The following DENND2A variants were observed in gnomAD, a reference collection of about 807,000 sequenced individuals.
DENND2A encodes DENN domain containing 2A, also known as DENN domain-containing protein 2A.
DENND2A carries 53 observed loss-of-function variants against 105.3 expected under a neutral mutation model. The observed-to-expected ratio is 0.50, with a 90% CI of 0.40 to 0.63. DENND2A has a LOEUF of 0.63. Ranked by LOEUF, DENND2A falls within the 30% of genes least tolerant of loss-of-function variation. The probability of loss-of-function intolerance (pLI) is 0.00; values close to 1 mark genes in which losing one functional copy is unlikely to be tolerated. For synonymous variants in DENND2A, 522 were observed against 508.4 expected, an observed-to-expected ratio of 1.03 and a Z score of -0.36; for missense variants, 1,138 against 1,279.6, an observed-to-expected ratio of 0.89 and a Z score of 1.69.
chr7:140,520,307 A>C lies in DENND2A; in HGVS notation c.2912-589T>G, dbSNP rs568755938. ...GGCAACAAGAGTGAAACTCCGTCGC[A>C]AAAAAAAAAAAAAAAGTTGAACCGG... On this transcript the variant is annotated intron_variant, in intron 18 of 19. Coordinates refer to ENST00000496613, the MANE Select transcript of DENND2A (RefSeq NM_015689.5). Among the ~76,000 whole-genome samples the C allele has an allele frequency of 3.6e-3, 509 of 140,842 alleles. 5 individuals are homozygous for C. Among genetic ancestry groups the C allele is most frequent in the African/African-American group, 0.012 (483 of 38,890 alleles). 92.4% of individuals were successfully genotyped at this position (140,842 alleles called of 152,430 possible). A position where few individuals can be genotyped will look rare whatever the true frequency, so the allele number is the denominator to read the frequency against.
In DENND2A at chr7:140,523,118, G is replaced by T. The variant is rs892495575; in HGVS notation, c.2665+189C>A. Among the ~76,000 whole-genome samples the T allele has an allele frequency of 6.6e-6, 1 of 152,178 alleles. No individual in the cohort carries two copies. Reference sequence around the variant, plus strand: ...AAACAGGTACTTTAAGGCCAAAATGGGGGAGGTGGGAAAATCTTTCCCACA... The same window carrying T: ...AAACAGGTACTTTAAGGCCAAAATGTGGGAGGTGGGAAAATCTTTCCCACA... On this transcript the variant is annotated intron_variant, in intron 17 of 19. Transcript: ENST00000496613. This position sits in a 1 kb window ranked among gnomAD's most constrained non-coding sequence, Gnocchi z 4.5.
intron 3 of DENND2A, among the ~76,000 whole-genome samples, chr7:140,598,406 G>A (rs147697027): frequency 1.5e-3 from 234 of 152,308 alleles, no homozygotes; most frequent in African/African-American, 5.4e-3. Context: ...TAGGGGCGAA[G>A]TAAGACTGTA....
chr7:140,530,200 G>A (rs1443030642), intron 14 of DENND2A, among the ~76,000 whole-genome samples: 1 of 152,118 alleles, frequency 6.6e-6, no homozygotes, highest in African/African-American at 2.4e-5. Context: ...CTCCAGCATG[G>A]ATGACAGAGG....
chr7:140,550,538 C>T (rs1797089137), intron 12 of DENND2A, among the ~76,000 whole-genome samples: 1 of 152,190 alleles, frequency 6.6e-6, no homozygotes, highest in Admixed American at 6.5e-5. Context: ...CCAGGCTGGT[C>T]TTGAACTCCT....
At chr7:140,575,506 A>G (rs1798261709) in intron 5 of DENND2A, among the ~76,000 whole-genome samples, 2 of 151,802 alleles carry the variant, frequency 1.3e-5, no homozygotes, top group African/African-American at 4.9e-5. Context: ...TTATTTGTGC[A>G]ATGTTATTTT....
chr7:140,553,370 G>A (rs1159054951), intron 12 of DENND2A, among the ~76,000 whole-genome samples: 18 of 152,226 alleles, frequency 1.2e-4, no homozygotes, highest in Non-Finnish European at 1.5e-5. Flanking sequence ...CCCTAAGGCG[G>A]TTTTTCCCTA....
intron 12 of DENND2A, among the ~76,000 whole-genome samples, chr7:140,552,282 T>C (rs1367768851): frequency 2.6e-5 from 4 of 152,010 alleles, no homozygotes; most frequent in Non-Finnish European, 5.9e-5. Context: ...ATAGCATTCA[T>C]TTTCTTTCTT....
At chr7:140,590,420 G>A (rs1481856567) in intron 3 of DENND2A, among the ~76,000 whole-genome samples, 1 of 152,182 alleles carries the variant, frequency 6.6e-6, no homozygotes, top group Non-Finnish European at 1.5e-5. Flanking sequence ...TAGAGCACAT[G>A]TAATGCAAGC....
chr7:140,579,739 C>T (rs1363754088), intron 5 of DENND2A, among the ~76,000 whole-genome samples: 1 of 151,958 alleles, frequency 6.6e-6, no homozygotes, highest in South Asian at 2.1e-4. Context: ...TGAGAAAATC[C>T]GGGAGGAAAT....
intron 6 of DENND2A, 70 bp downstream of exon 6, chr7:140,573,738 C>A (rs1432128004): frequency 1.3e-6 from 2 of 1,526,062 alleles, no homozygotes; most frequent in Non-Finnish European, 1.8e-6. Flanking sequence ...CCACCCAGAC[C>A]CCTCTGCAGT....
intron 6 of DENND2A, among the ~76,000 whole-genome samples, chr7:140,570,144 C>A (rs1334977489): frequency 6.6e-6 from 1 of 152,218 alleles, no homozygotes; most frequent in Admixed American, 6.5e-5. Context: ...ATCCACCCAC[C>A]TTGGCCTCCC....
chr7:140,551,418 C>T (rs1481768757), intron 12 of DENND2A, among the ~76,000 whole-genome samples: 1 of 151,972 alleles, frequency 6.6e-6, no homozygotes. Context: ...CCTTAGGAGG[C>T]CTGCCTTCGT....
At chr7:140,585,076 T>C (rs1798722359) in intron 5 of DENND2A, among the ~76,000 whole-genome samples, 1 of 152,148 alleles carries the variant, frequency 6.6e-6, no homozygotes, top group South Asian at 2.1e-4. Flanking sequence ...CGTGTGCCTG[T>C]AATCCCAGGT....
At chr7:140,635,913 G>C (rs1800911728) in intron 1 of DENND2A, among the ~76,000 whole-genome samples, 1 of 152,230 alleles carries the variant, frequency 6.6e-6, no homozygotes, top group East Asian at 1.9e-4. Context: ...AGAAGAGTCT[G>C]ACTCTGGCTT....
At chr7:140,567,903 G>A (rs1393692238) in intron 8 of DENND2A, among the ~76,000 whole-genome samples, 1 of 152,160 alleles carries the variant, frequency 6.6e-6, no homozygotes, top group Non-Finnish European at 1.5e-5. Context: ...CAGGGTCACT[G>A]AGTGGACAGG....
rs1476144652 is a variant in DENND2A, at chr7:140,527,352, G to A, written c.2471C>T (p.Ser824Leu). 1.9e-6 allele frequency: 3 copies of A among 1,598,632 alleles called. No homozygotes were observed. The highest frequency in any genetic ancestry group is 2.6e-6 in the Non-Finnish European group (3 of 1,174,502). Reference protein sequence around the residue: ...TPFLIGLLSSSLPLLRELPLE... With the variant: ...TPFLIGLLSSLLPLLRELPLE... ...CGGCAGCTCCCTGAGCAGTGGCAGC[G>A]AGCTGGAGAGCAGCCCGATGAGGAA... is the stretch of plus-strand genomic sequence containing the variant. Residue 824 changes from serine to leucine, a missense_variant, in exon 15 of 20, where the codon TCG (serine) becomes TTG (leucine). Ser to Leu is a moderately radical substitution (Grantham distance 145). Coordinates refer to ENST00000496613, the MANE Select transcript of DENND2A (RefSeq NM_015689.5). This position sits in a 1 kb window ranked among gnomAD's most constrained non-coding sequence, Gnocchi z 4.9.
chr7:140,554,920 A>G (rs528808622), intron 12 of DENND2A, among the ~76,000 whole-genome samples: 25 of 152,350 alleles, frequency 1.6e-4, no homozygotes, highest in African/African-American at 6.0e-4. Flanking sequence ...TGTTATATAT[A>G]CATGACACAT....
chr7:140,569,704 C>T lies in DENND2A; in HGVS notation c.1481G>A (p.Arg494Gln), dbSNP rs778989980. 12 of 1,613,792 alleles carry T rather than the reference C, an allele frequency of 7.4e-6. No homozygotes were observed. The highest frequency in any genetic ancestry group is 2.2e-5 in the East Asian group (1 of 44,884). Residue 494 changes from arginine (R) to glutamine (Q), a missense_variant, in exon 7 of 20, where the codon CGG (arginine) becomes CAG (glutamine). Coordinates refer to ENST00000496613, the MANE Select transcript of DENND2A (RefSeq NM_015689.5). The part of the protein sequence containing the change: ...VLRINAIYEV[R>Q]RGKKRVKRLS... ...CCTCTTCACCCGTTTCTTTCCTCTC[C>T]GGACCTCATAAATGGCGTTGATTCG...
At chr7:140,567,862 G>A (rs1047028230) in intron 8 of DENND2A, among the ~76,000 whole-genome samples, 8 of 152,182 alleles carry the variant, frequency 5.3e-5, no homozygotes, top group African/African-American at 7.2e-5. Context: ...AGGTGAGTCC[G>A]GGAGCAGCTG....
Sources: allele counts gnomAD v4.1 joint callset (sites outside exome capture counted in the v4.1 genomes callset), GRCh38; gene constraint gnomAD v4.1.1; non-coding constraint Gnocchi (gnomAD v3.1); transcripts MANE v1.5; gene names NCBI Gene and HGNC (gene_info 2026-07-23, HGNC 2026-07-21).